RHBDD1: variants seen among roughly 807,000 people sequenced by gnomAD.
The protein encoded by RHBDD1 is rhomboid-related protein 4.
A neutral mutation model predicts 36.3 loss-of-function variants in RHBDD1; 38 were observed. That is an observed-to-expected ratio of 1.05 (90% CI 0.81 to 1.37). The LOEUF is 1.37. Among genes scored for constraint, RHBDD1 ranks in the 40% most tolerant of loss-of-function variants. RHBDD1 has a pLI of 0.00. For missense variants in RHBDD1, 393 were observed against 377.6 expected (o/e 1.04, Z -0.34); for synonymous variants, 151 against 136.5 (o/e 1.11, Z -0.74).
chr2:226,904,516 C>CTG (rs144391701), intron 5 of RHBDD1, among the ~76,000 whole-genome samples: 15 of 151,094 alleles, frequency 9.9e-5, no homozygotes, highest in African/African-American at 2.9e-4. Context: ...GTGTGCGTGT[C>CTG]TGTGTGTGTG....
intron 8 of RHBDD1, among the ~76,000 whole-genome samples, chr2:226,916,383 G>T (rs1948913088): frequency 6.6e-6 from 1 of 152,146 alleles, no homozygotes; most frequent in South Asian, 2.1e-4. Flanking sequence ...TGGGGAAAGG[G>T]CCCCAGAGCC....
intron 3 of RHBDD1, among the ~76,000 whole-genome samples, chr2:226,841,116 C>A (rs569008206): frequency 1.3e-5 from 2 of 151,864 alleles, no homozygotes; most frequent in Admixed American, 6.6e-5. Flanking sequence ...TCTTTCAAGG[C>A]GTATTCATTT....
intron 8 of RHBDD1, among the ~76,000 whole-genome samples, chr2:226,963,882 T>C (rs994745076): frequency 3.3e-5 from 5 of 152,140 alleles, no homozygotes; most frequent in Non-Finnish European, 5.9e-5. Context: ...CAAACGAACC[T>C]ATTCTGTACT....
chr2:226,913,153 GT>G (rs1233419894), intron 7 of RHBDD1, among the ~76,000 whole-genome samples: 1 of 151,714 alleles, frequency 6.6e-6, no homozygotes, highest in Non-Finnish European at 1.5e-5. Flanking sequence ...GCTGGATTGT[GT>G]TTTTTTTCTG....
intron 3 of RHBDD1, among the ~76,000 whole-genome samples, chr2:226,844,275 T>C (rs1413722572): frequency 2.0e-5 from 3 of 152,152 alleles, no homozygotes; most frequent in Non-Finnish European, 4.4e-5. Flanking sequence ...GATTGATAGC[T>C]GCCCCCCGCC....
the RHBDD1 span, among the ~76,000 whole-genome samples, chr2:226,828,294 G>A: frequency 1.3e-5 from 2 of 152,172 alleles, no homozygotes; most frequent in Admixed American, 1.3e-4. Context: ...GGATGAATCA[G>A]TAGTTTTTTT....
intron 8 of RHBDD1, among the ~76,000 whole-genome samples, chr2:226,929,746 A>G (rs1464474701): frequency 2.0e-5 from 3 of 151,986 alleles, no homozygotes; most frequent in Non-Finnish European, 4.4e-5. Context: ...GGAAAACCCA[A>G]AAGACGACTC....
chr2:226,945,530 G>GTGCCACATTTTCTTT (rs1950932103), intron 8 of RHBDD1, among the ~76,000 whole-genome samples: 1 of 152,062 alleles, frequency 6.6e-6, no homozygotes, highest in African/African-American at 2.4e-5. Context: ...TGGTTTATAT[G>GTGCCACATTTTCTTT]TGCCACATTT....
intron 5 of RHBDD1, chr2:226,869,321 C>A: frequency 3.4e-6 from 1 of 296,134 alleles, no homozygotes; most frequent in Non-Finnish European, 5.0e-6. Flanking sequence ...AATATACAAG[C>A]ATCTACTTAC....
At chr2:226,891,049 A>T (rs1032012719) in intron 5 of RHBDD1, among the ~76,000 whole-genome samples, 1 of 152,176 alleles carries the variant, frequency 6.6e-6, no homozygotes, top group Non-Finnish European at 1.5e-5. Flanking sequence ...ATTGCTATGT[A>T]ACAAATGATC....
intron 3 of RHBDD1, among the ~76,000 whole-genome samples, chr2:226,851,126 G>C (rs1559192257): frequency 6.6e-6 from 1 of 151,974 alleles, no homozygotes; most frequent in Admixed American, 6.6e-5. Context: ...TTTGTTTTGG[G>C]TCCCATTGAT....
the RHBDD1 span, among the ~76,000 whole-genome samples, chr2:226,810,484 T>C: frequency 8.1e-6 from 1 of 123,052 alleles, no homozygotes; most frequent in Non-Finnish European, 1.6e-5. Flanking sequence ...GAAGTTTCAG[T>C]GAGCCGAGAT....
chr2:226,823,720 T>C, the RHBDD1 span, among the ~76,000 whole-genome samples: 109 of 152,328 alleles, frequency 7.2e-4, no homozygotes, highest in Middle Eastern at 3.4e-3. Context: ...GATCAACAGA[T>C]ATTTGGGCAA....
intron 2 of RHBDD1, 77 bp downstream of exon 2, chr2:226,838,231 G>T (rs1941206672): frequency 6.6e-6 from 1 of 152,188 alleles, no homozygotes; most frequent in Admixed American, 6.5e-5. Context: ...ATGGCTCCTG[G>T]ATATTGAGAG....
chr2:226,835,424 AGCTTCTGGGAGTGAAAGGTGCACCC>A (rs1419099434), upstream of RHBDD1, among the ~76,000 whole-genome samples: 2 of 152,190 alleles, frequency 1.3e-5, no homozygotes, highest in African/African-American at 4.8e-5. Context: ...CCCAGACCCA[AGCTTCTGGGAGTGAAAGGTGCACCC>A]GCGACCTTGC....
At chr2:226,958,227 A>G (rs1951912282) in intron 8 of RHBDD1, among the ~76,000 whole-genome samples, 1 of 152,236 alleles carries the variant, frequency 6.6e-6, no homozygotes, top group Non-Finnish European at 1.5e-5. Flanking sequence ...AATACAGGCT[A>G]CAATGTGGAT....
chr2:226,953,060 A>G (rs1951541913), intron 8 of RHBDD1, among the ~76,000 whole-genome samples: 1 of 152,214 alleles, frequency 6.6e-6, no homozygotes, highest in African/African-American at 2.4e-5. Context: ...AATTGATGCA[A>G]TTAAGAAAAT....
At chr2:226,950,584 A>G (rs1320021294) in intron 8 of RHBDD1, among the ~76,000 whole-genome samples, 2 of 152,130 alleles carry the variant, frequency 1.3e-5, no homozygotes, top group African/African-American at 4.8e-5. Context: ...TGGCTGTACC[A>G]ACTTATATTC....
chr2:226,926,150 C>A (rs368279660), intron 8 of RHBDD1, among the ~76,000 whole-genome samples: 1 of 150,624 alleles, frequency 6.6e-6, no homozygotes, highest in African/African-American at 2.4e-5. Context: ...GAGGCCGAGG[C>A]GGGTGGATCA....
Sources: allele counts gnomAD v4.1 joint callset (sites outside exome capture counted in the v4.1 genomes callset), GRCh38; gene constraint gnomAD v4.1.1; transcripts MANE v1.5; gene names NCBI Gene and HGNC (gene_info 2026-07-23, HGNC 2026-07-21).